Variants in GATB observed in about 807,000 individuals in gnomAD.
GATB encodes the protein glutamyl-tRNA amidotransferase subunit B, also known as glutamyl-tRNA(Gln) amidotransferase subunit B, mitochondrial.
Under a neutral mutation model 62.3 loss-of-function variants are expected in GATB, and 39 were observed. The ratio of observed to expected loss-of-function variants is 0.63; its 90% confidence interval spans 0.48 to 0.82. The LOEUF is 0.82. Among genes scored for constraint, GATB ranks in the 40% least tolerant of loss-of-function variants. The pLI, the probability that GATB is intolerant of heterozygous loss-of-function variation, is 0.00. For missense variants in GATB, 670 were observed against 684.0 expected (o/e 0.98, Z 0.23); for synonymous variants, 276 against 258.9 (o/e 1.07, Z -0.63).
chr4:151,755,590 A>G (rs571459878), intron 2 of GATB, among the ~76,000 whole-genome samples: 1 of 152,300 alleles, frequency 6.6e-6, no homozygotes, highest in African/African-American at 2.4e-5. Flanking sequence ...TATGCCTACA[A>G]AGTTTCTCCC....
intron 5 of GATB, among the ~76,000 whole-genome samples, chr4:151,710,837 A>G (rs1291490471): frequency 6.6e-6 from 1 of 151,914 alleles, no homozygotes; most frequent in African/African-American, 2.4e-5. Flanking sequence ...ATACCACCTC[A>G]TGCTGAGGAT....
At chr4:151,704,568 C>T (rs1177753082) in intron 7 of GATB, among the ~76,000 whole-genome samples, 1 of 151,608 alleles carries the variant, frequency 6.6e-6, no homozygotes, top group Non-Finnish European at 1.5e-5. Flanking sequence ...ATTCTCCTGC[C>T]TCAGCCTCCC....
chr4:151,721,611 T>A (rs1288025641), intron 2 of GATB: 1 of 152,492 alleles, frequency 6.6e-6, no homozygotes, highest in African/African-American at 2.4e-5. Context: ...TTGCTCTTCC[T>A]GGGGTCAGAA....
rs191397284 is a variant in GATB at position 151,682,751 on chromosome 4, C to G, written c.1332-2860G>C. Among the ~76,000 whole-genome samples the G allele has an allele frequency of 5.6e-3, 848 of 152,204 alleles. 7 individuals are homozygous for G. The highest frequency in any genetic ancestry group is 0.015 in the South Asian group (74 of 4,814). ...CCCAGCTTATCTCAGGCCCAAAGTC[C>G]ACCTTCTCTGCTTCTGTTAAAACAG... On this transcript the variant is annotated intron_variant, in intron 10 of 12. Transcript: ENST00000263985.
chr4:151,719,599 C>A (rs1053127165), intron 2 of GATB, 61 bp from the exon 3 acceptor site: 2 of 1,132,338 alleles, frequency 1.8e-6, no homozygotes, highest in African/African-American at 1.6e-5. Flanking sequence ...GCTTCTCCCA[C>A]ACACTGACAT....
intron 11 of GATB, chr4:151,675,516 G>A (rs12502055): frequency 0.59 from 90,167 of 151,896 alleles, 29,179 homozygotes; most frequent in African/African-American, 0.87. Context: ...GAGCGGCCCT[G>A]TCTCCAGGCC....
intron 5 of GATB, among the ~76,000 whole-genome samples, chr4:151,711,383 C>G (rs1270259639): frequency 7.9e-5 from 12 of 152,198 alleles, no homozygotes; most frequent in Non-Finnish European, 1.5e-5. Context: ...CTGATCTACC[C>G]CTTGCCTGCC....
intron 6 of GATB, 150 bp downstream of exon 6, chr4:151,707,838 C>T (rs1304275590): frequency 6.6e-6 from 4 of 607,476 alleles, no homozygotes; most frequent in East Asian, 2.8e-5. Flanking sequence ...TTCCCACAGC[C>T]ACATGAGTGA....
At chr4:151,742,320 C>T (rs1323892572) in intron 2 of GATB, among the ~76,000 whole-genome samples, 1 of 152,170 alleles carries the variant, frequency 6.6e-6, no homozygotes, top group Non-Finnish European at 1.5e-5. Flanking sequence ...GATCTCCTGA[C>T]CTCGTGATCC....
Position 151,730,059 on chromosome 4 carries a change from T to C in GATB, c.328-10521A>G, listed in dbSNP as rs1739212915. On this transcript the variant is annotated intron_variant, in intron 2 of 12. Transcript: ENST00000263985. This position sits in a 1 kb window ranked among gnomAD's most constrained non-coding sequence, Gnocchi z 4.1. ...CTCAGGCAAGTTTTCAAGCCCCACC[T>C]GCCCTCTGCCTGGAAACAGACTCGG... 6.6e-6 allele frequency among the ~76,000 whole-genome samples: 1 copy of C among 152,180 alleles called. No homozygotes were observed. The highest frequency in any genetic ancestry group is 2.4e-5 in the African/African-American group (1 of 41,450).
intron 2 of GATB, among the ~76,000 whole-genome samples, chr4:151,745,038 G>A (rs1418230026): frequency 6.6e-6 from 1 of 152,204 alleles, no homozygotes; most frequent in Non-Finnish European, 1.5e-5. Context: ...CTATAGAAGT[G>A]ATTTGCAGAG....
chr4:151,688,558 A>T, intron 10 of GATB, 72 bp downstream of exon 10: 2 of 1,482,664 alleles, frequency 1.3e-6, no homozygotes, highest in South Asian at 2.7e-5. Flanking sequence ...AAAAAAATGG[A>T]CCTGCCCTAT....
intron 2 of GATB, among the ~76,000 whole-genome samples, chr4:151,743,988 G>A (rs1560864444): frequency 6.6e-6 from 1 of 152,106 alleles, no homozygotes. Context: ...TAAAAGCAGG[G>A]AAAAACACTG....
chr4:151,731,750 G>A (rs1215366260), intron 2 of GATB, among the ~76,000 whole-genome samples: 19 of 151,168 alleles, frequency 1.3e-4, no homozygotes, highest in African/African-American at 3.9e-4. Context: ...TGTGAGGAGC[G>A]TCTCTGCCCG....
intron 1 of GATB, among the ~76,000 whole-genome samples, chr4:151,759,601 C>T (rs1270137056): frequency 6.6e-6 from 1 of 152,098 alleles, no homozygotes; most frequent in East Asian, 1.9e-4. Flanking sequence ...TTTCAGGTTA[C>T]TTTTTTAATG....
chr4:151,692,096 A>C lies in GATB; in HGVS notation c.1198-3333T>G, dbSNP rs547729300. The stretch of plus-strand genomic sequence containing the variant: ...TACAGCAGCAGCGGTGATGGGCGCC[A>C]GGCACTGTCTACGCACTCTCTCCAC... On this transcript the variant is annotated intron_variant, in intron 9 of 12. Coordinates refer to ENST00000263985, the MANE Select transcript of GATB (RefSeq NM_004564.3). 2.0e-5 allele frequency among the ~76,000 whole-genome samples: 3 copies of C among 152,328 alleles called. No individual in the cohort carries two copies. The East Asian group carries it at 5.8e-4, about 29-fold the overall frequency.
chr4:151,685,163 A>G (rs1007896040), intron 10 of GATB, among the ~76,000 whole-genome samples: 5 of 152,166 alleles, frequency 3.3e-5, no homozygotes, highest in Admixed American at 3.3e-4. Flanking sequence ...AGAAATTTCT[A>G]TTTCCTCCAG....
chr4:151,680,797 C>A (rs1738123314), intron 10 of GATB, among the ~76,000 whole-genome samples: 1 of 152,156 alleles, frequency 6.6e-6, no homozygotes, highest in Non-Finnish European at 1.5e-5. Flanking sequence ...CATCCCTAAT[C>A]CGAAAGTCTG....
chr4:151,736,726 CAT>C (rs1421226932), intron 2 of GATB, among the ~76,000 whole-genome samples: 1 of 152,192 alleles, frequency 6.6e-6, no homozygotes. Context: ...TGAATTCCCA[CAT>C]GTTGTGGGAG....
Sources: gnomAD v4.1 joint callset for allele counts (sites outside exome capture counted in the v4.1 genomes callset) on GRCh38, gnomAD v4.1.1 for gene constraint, Gnocchi (gnomAD v3.1) non-coding constraint, MANE v1.5 for transcripts, NCBI Gene and HGNC (gene_info 2026-07-23, HGNC 2026-07-21) for gene names.